The following ZNF610 variants were observed in gnomAD, a reference collection of about 807,000 sequenced individuals.
ZNF610 encodes the protein zink finger protein.
Under a neutral mutation model 14.1 loss-of-function variants are expected in ZNF610, and 14 were observed. That is an observed-to-expected ratio of 0.99 (90% CI 0.65 to 1.55). ZNF610 has a LOEUF of 1.55. Ranked by LOEUF, ZNF610 falls within the 40% of genes most tolerant of loss-of-function variation. The pLI, the probability that ZNF610 is intolerant of heterozygous loss-of-function variation, is 0.00. For missense variants in ZNF610, 530 were observed against 558.0 expected (o/e 0.95, Z 0.51); for synonymous variants, 185 against 187.6 (o/e 0.99, Z 0.11).
chr19:52,340,386 TG>T (rs1395377709), intron 1 of ZNF610, among the ~76,000 whole-genome samples: 3 of 151,988 alleles, frequency 2.0e-5, no homozygotes, highest in African/African-American at 7.3e-5. Context: ...GTCTCAAACA[TG>T]GGGGAAAACA....
At chr19:52,354,447 C>G (rs916174478) in intron 5 of ZNF610, 68 bp downstream of exon 5, 1 of 1,529,074 alleles carries the variant, frequency 6.5e-7, no homozygotes, top group African/African-American at 1.4e-5. Flanking sequence ...CAGGGTGTTC[C>G]GCTATCACCC....
At chr19:52,333,195 C>G (rs994550332), upstream of ZNF610, among the ~76,000 whole-genome samples, 2 of 152,162 alleles carry the variant, frequency 1.3e-5, no homozygotes, top group Non-Finnish European at 2.9e-5. Context: ...CTCAGTAATG[C>G]AAAATCGGCA....
chr19:52,360,354 A>C (rs559442910), intron 5 of ZNF610, among the ~76,000 whole-genome samples: 39 of 150,556 alleles, frequency 2.6e-4, no homozygotes, highest in Non-Finnish European at 4.2e-4. Flanking sequence ...CAGGAACTGC[A>C]GATGAAAACA....
chr19:52,334,883 C>T (rs1049136436), upstream of ZNF610, among the ~76,000 whole-genome samples: 5 of 145,348 alleles, frequency 3.4e-5, no homozygotes, highest in East Asian at 2.0e-4. Flanking sequence ...GAGCTGAAAC[C>T]GTGTCACTGC....
At chr19:52,336,911 C>T (rs1984412764) in intron 1 of ZNF610, among the ~76,000 whole-genome samples, 4 of 152,084 alleles carry the variant, frequency 2.6e-5, no homozygotes, top group Non-Finnish European at 5.9e-5. Flanking sequence ...GAGGTGGGCA[C>T]CTTATTGTAC....
chr19:52,364,877 C>T (rs766306728), intron 5 of ZNF610, among the ~76,000 whole-genome samples: 6 of 152,232 alleles, frequency 3.9e-5, no homozygotes, highest in East Asian at 1.9e-4. Context: ...TGCACCCAGC[C>T]GTATTTTTTT....
At chr19:52,350,303 C>T (rs1006582482) in intron 3 of ZNF610, among the ~76,000 whole-genome samples, 1 of 152,216 alleles carries the variant, frequency 6.6e-6, no homozygotes, top group African/African-American at 2.4e-5. Context: ...TGTGCAGTTT[C>T]CCACCCTCCC....
At chr19:52,330,229 G>C in the ZNF610 span, 1 of 148,026 alleles carries the variant, frequency 6.8e-6, no homozygotes, top group African/African-American at 2.7e-5. Context: ...AGCTGGACCC[G>C]TTTTTATGAA....
rs1986130922 is a variant in ZNF610 at position 52,366,974 on chromosome 19, T to G, written c.*207T>G. The stretch of plus-strand genomic sequence containing the variant: ...AATCTATAAAGAGAGAACAGTTATA[T>G]CAGAATAGAGCATTTAATGAAAACT... On this transcript the variant is annotated 3_prime_UTR_variant, in exon 6 of 6. Coordinates refer to ENST00000403906, the MANE Select transcript of ZNF610 (RefSeq NM_001161425.2). 1.9e-6 allele frequency: 1 copy of G among 533,550 alleles called. No individual in the cohort carries two copies. Among genetic ancestry groups the G allele is most frequent in the Admixed American group, 3.5e-5 (1 of 28,634 alleles). 33.1% of individuals were successfully genotyped at this position (533,550 alleles called of 1,614,324 possible). A position where few individuals can be genotyped will look rare whatever the true frequency, so the allele number is the denominator to read the frequency against.
upstream of ZNF610, among the ~76,000 whole-genome samples, chr19:52,335,463 C>T (rs559019858): frequency 6.6e-6 from 1 of 152,168 alleles, no homozygotes; most frequent in Non-Finnish European, 1.5e-5. Context: ...CCCAGGTTGG[C>T]CTTAACCCTC....
chr19:52,351,490 C>CT (rs960265149), intron 3 of ZNF610, among the ~76,000 whole-genome samples: 12 of 150,748 alleles, frequency 8.0e-5, no homozygotes, highest in East Asian at 5.8e-4. Context: ...AGTCACCTCT[C>CT]TTTTTTTTTG....
At chr19:52,356,516 G>C (rs745530295) in intron 5 of ZNF610, among the ~76,000 whole-genome samples, 1 of 151,990 alleles carries the variant, frequency 6.6e-6, no homozygotes, top group Non-Finnish European at 1.5e-5. Flanking sequence ...TATCTGTAGG[G>C]CTGTAGTATC....
chr19:52,350,545 G>T (rs1006890751), intron 3 of ZNF610, among the ~76,000 whole-genome samples: 1 of 152,144 alleles, frequency 6.6e-6, no homozygotes, highest in African/African-American at 2.4e-5. Flanking sequence ...AGGCTTGGTG[G>T]TGGGCACCTG....
At chr19:52,336,930 C>T (rs1429301143) in intron 1 of ZNF610, among the ~76,000 whole-genome samples, 1 of 152,124 alleles carries the variant, frequency 6.6e-6, no homozygotes, top group Non-Finnish European at 1.5e-5. Context: ...ACTCCCCTGC[C>T]TATGGATGTG....
chr19:52,337,221 G>A (rs988006565), intron 1 of ZNF610, among the ~76,000 whole-genome samples: 1 of 151,938 alleles, frequency 6.6e-6, no homozygotes, highest in East Asian at 1.9e-4. Context: ...AGGGCAGACA[G>A]AGCAGCATGG....
upstream of ZNF610, among the ~76,000 whole-genome samples, chr19:52,334,466 T>A (rs921597489): frequency 1.4e-5 from 2 of 145,522 alleles, no homozygotes; most frequent in African/African-American, 5.1e-5. Context: ...TGAGCTGAGA[T>A]TGCGCCACTG....
At chr19:52,356,322 T>A (rs10401299) in intron 5 of ZNF610, among the ~76,000 whole-genome samples, 2,457 of 152,242 alleles carry the variant, frequency 0.016, 48 homozygotes, top group African/African-American at 0.051. Context: ...GATCCCTAGG[T>A]CCCCATGGGG....
At chr19:52,357,745 G>C (rs546420465) in intron 5 of ZNF610, among the ~76,000 whole-genome samples, 1 of 152,152 alleles carries the variant, frequency 6.6e-6, no homozygotes, top group African/African-American at 2.4e-5. Context: ...TCGAGCCCAG[G>C]AGTTTAAGGC....
chr19:52,341,730 G>A (rs1984701550), intron 1 of ZNF610, among the ~76,000 whole-genome samples: 1 of 152,034 alleles, frequency 6.6e-6, no homozygotes, highest in Non-Finnish European at 1.5e-5. Context: ...AGGCTCAAAT[G>A]ATCCTCCTGC....
Sources: allele counts gnomAD v4.1 joint callset (sites outside exome capture counted in the v4.1 genomes callset), GRCh38; gene constraint gnomAD v4.1.1; transcripts MANE v1.5; gene names NCBI Gene and HGNC (gene_info 2026-07-23, HGNC 2026-07-21).